Variants in AGBL1 observed in about 807,000 individuals in gnomAD.
AGBL1 encodes the protein cytosolic carboxypeptidase 4.
In AGBL1, 130 loss-of-function variants were observed where a neutral mutation model predicts 118.9. The ratio of observed to expected loss-of-function variants is 1.09; its 90% CI spans 0.95 to 1.26. AGBL1 has a LOEUF of 1.26. AGBL1 is among the 50% of genes most tolerant of loss of function. AGBL1 has a pLI of 0.00. For synonymous variants in AGBL1, 555 were observed against 478.9 expected, an observed-to-expected ratio of 1.16 and a Z score of -2.08; for missense variants, 1,584 against 1,298.1, an observed-to-expected ratio of 1.22 and a Z score of -3.38.
At chr15:86,979,354 C>A (rs1229682390) in intron 23 of AGBL1, among the ~76,000 whole-genome samples, 1 of 152,152 alleles carries the variant, frequency 6.6e-6, no homozygotes, top group Non-Finnish European at 1.5e-5. Context: ...ACATTTGTTT[C>A]CCCCAATGTC....
At position 86,908,872 on chromosome 15, in the gene AGBL1, T is replaced by C. The variant is rs2080314859; in HGVS notation, c.*1578T>C. On this transcript the variant is annotated 3_prime_UTR_variant, in exon 23 of 23. Transcript: ENST00000614907. ...GCAAGAGATGGACAACTTATCATAG[T>C]AGTAGCTTTCATAAGGCATAAGTCT... is the stretch of plus-strand genomic sequence containing the variant. The C allele has an allele frequency of 1.3e-5, 2 of 152,238 alleles. No individual in the cohort carries two copies. The highest frequency in any genetic ancestry group is 2.1e-4 in the South Asian group (1 of 4,832). 9.4% of individuals were successfully genotyped at this position (152,238 alleles called of 1,614,324 possible).
At chr15:86,748,455 T>C (rs546558723) in intron 22 of AGBL1, among the ~76,000 whole-genome samples, 1 of 150,850 alleles carries the variant, frequency 6.6e-6, no homozygotes, top group Admixed American at 6.6e-5. Flanking sequence ...GATGGTAGTT[T>C]CTTTTGTTGT....
At chr15:86,236,754 G>C (rs191892586) in intron 6 of AGBL1, among the ~76,000 whole-genome samples, 28 of 152,070 alleles carry the variant, frequency 1.8e-4, no homozygotes, top group African/African-American at 6.8e-4. Flanking sequence ...ACCAGAGTGC[G>C]GCAGAAATCA....
intron 18 of AGBL1, among the ~76,000 whole-genome samples, chr15:86,469,135 TA>T (rs2082444706): frequency 6.6e-6 from 1 of 152,156 alleles, no homozygotes; most frequent in South Asian, 2.1e-4. Flanking sequence ...TAAAATACAT[TA>T]TTATTAACTA....
intron 18 of AGBL1, among the ~76,000 whole-genome samples, chr15:86,481,715 A>G (rs947314893): frequency 3.3e-5 from 5 of 152,160 alleles, no homozygotes; most frequent in African/African-American, 1.2e-4. Context: ...ATGGTAACTC[A>G]GAATTACCTG....
At chr15:86,792,109 C>G (rs186167542) in intron 22 of AGBL1, among the ~76,000 whole-genome samples, 2 of 152,246 alleles carry the variant, frequency 1.3e-5, no homozygotes, top group East Asian at 1.9e-4. Flanking sequence ...TTGTATGATT[C>G]TATATCTAAC....
At chr15:86,377,353 C>T (rs952911096) in intron 17 of AGBL1, among the ~76,000 whole-genome samples, 3 of 152,196 alleles carry the variant, frequency 2.0e-5, no homozygotes, top group African/African-American at 4.8e-5. Flanking sequence ...TGAAATACAT[C>T]GCAGAAGGCA....
At position 86,191,175 on chromosome 15, in the gene AGBL1, T is replaced by C. The variant is rs994869701; in HGVS notation, c.488+32149T>C. 6.8e-4 allele frequency among the ~76,000 whole-genome samples: 101 copies of C among 149,292 alleles called. 1 individual carries two copies. Among genetic ancestry groups the C allele is most frequent in the Non-Finnish European group, 5.7e-4 (38 of 67,086 alleles). The stretch of plus-strand genomic sequence containing the variant: ...CCTGGCAACATGGTGAAACCCCCCC[T>C]CCCTACTAAAAATACAAAAAAAATT... On this transcript the variant is annotated intron_variant, in intron 5 of 22. Coordinates refer to ENST00000614907, the MANE Select transcript of AGBL1 (RefSeq NM_001386094.1).
At chr15:86,340,204 G>T (rs1317700523) in intron 17 of AGBL1, among the ~76,000 whole-genome samples, 1 of 151,686 alleles carries the variant, frequency 6.6e-6, no homozygotes, top group Non-Finnish European at 1.5e-5. Context: ...ACGGAAACCT[G>T]TATATTTTGA....
chr15:86,717,702 G>A lies in AGBL1; in HGVS notation c.3158+43266G>A, dbSNP rs200200177. ...ATTAATCTGGACTTCAGGGATCTTT[G>A]TTTTTTGCCCCATTGATACCTCCCA... On this transcript the variant is annotated intron_variant, in intron 22 of 22. Coordinates refer to ENST00000614907, the MANE Select transcript of AGBL1 (RefSeq NM_001386094.1). 6.2e-5 allele frequency among the ~76,000 whole-genome samples: 4 copies of A among 64,552 alleles called. No homozygotes were observed. The South Asian group carries it at 1.4e-3, about 22-fold the overall frequency. The allele number at this position is 64,552 out of a possible 152,430, so 42.3% of individuals were successfully genotyped here.
chr15:86,168,722 T>G (rs994461162), intron 5 of AGBL1, among the ~76,000 whole-genome samples: 1 of 152,192 alleles, frequency 6.6e-6, no homozygotes, highest in African/African-American at 2.4e-5. Flanking sequence ...CAGAGTGATA[T>G]AATCTACATT....
At chr15:86,099,015 G>A (rs1045478215) in intron 1 of AGBL1, among the ~76,000 whole-genome samples, 2 of 152,050 alleles carry the variant, frequency 1.3e-5, no homozygotes, top group Non-Finnish European at 2.9e-5. Flanking sequence ...TTTCCCTGTA[G>A]AGATGCTTCA....
At chr15:86,799,916 C>T (rs183222925) in intron 22 of AGBL1, among the ~76,000 whole-genome samples, 131 of 152,130 alleles carry the variant, frequency 8.6e-4, no homozygotes, top group African/African-American at 3.0e-3. Flanking sequence ...AAGGCTCCAG[C>T]GAAGAACTGA....
At chr15:86,150,297 T>C (rs926731935) in intron 3 of AGBL1, among the ~76,000 whole-genome samples, 9 of 151,996 alleles carry the variant, frequency 5.9e-5, no homozygotes, top group African/African-American at 1.9e-4. Context: ...CTGAAAGAGA[T>C]AGAGACACAA....
At chr15:86,616,913 A>T (rs1171744280) in intron 21 of AGBL1, among the ~76,000 whole-genome samples, 2 of 152,174 alleles carry the variant, frequency 1.3e-5, no homozygotes, top group Non-Finnish European at 2.9e-5. Flanking sequence ...GACTTTTGCT[A>T]CTTCATCTAT....
chr15:86,553,380 C>T (rs932322392), intron 20 of AGBL1, among the ~76,000 whole-genome samples: 3 of 152,070 alleles, frequency 2.0e-5, no homozygotes, highest in African/African-American at 7.2e-5. Flanking sequence ...CTAGAGATGC[C>T]TTCTAAATGG....
At chr15:86,260,010 C>A (rs941459338) in intron 9 of AGBL1, among the ~76,000 whole-genome samples, 1 of 152,196 alleles carries the variant, frequency 6.6e-6, no homozygotes, top group Non-Finnish European at 1.5e-5. Context: ...GGCAAAGAAG[C>A]ACAAGACAAA....
chr15:86,975,275 G>A (rs1333919783), intron 23 of AGBL1, among the ~76,000 whole-genome samples: 1 of 152,088 alleles, frequency 6.6e-6, no homozygotes, highest in Admixed American at 6.6e-5. Flanking sequence ...AACCATGGCA[G>A]AAGGTGAAGG....
rs529235541 is a variant in AGBL1 at position 86,836,038 on chromosome 15, A to T, written c.3159-71049A>T. ...TTCTAGCTTATCCCTTGACTAAACTATATTTATTTATATTCTGCAGTCTTA... is the reference window on the plus strand; with the variant it reads ...TTCTAGCTTATCCCTTGACTAAACTTTATTTATTTATATTCTGCAGTCTTA... On this transcript the variant is annotated intron_variant, in intron 22 of 22. Transcript: ENST00000614907. Among the ~76,000 whole-genome samples, 12 of 152,248 alleles carry T rather than the reference A, an allele frequency of 7.9e-5. No homozygotes were observed. In the South Asian group the frequency reaches 1.2e-3, roughly 16 times the overall value.
Sources: allele counts gnomAD v4.1 joint callset (sites outside exome capture counted in the v4.1 genomes callset), GRCh38; gene constraint gnomAD v4.1.1; transcripts MANE v1.5; gene names NCBI Gene and HGNC (gene_info 2026-07-23, HGNC 2026-07-21).